Variants in NRXN3 observed in about 807,000 individuals in gnomAD.
The protein encoded by NRXN3 is neurexin III.
NRXN3 carries 32 observed loss-of-function variants against 137.6 expected under a neutral mutation model. The ratio of observed to expected loss-of-function variants is 0.23; its 90% CI spans 0.18 to 0.31. The LOEUF (loss-of-function observed/expected upper bound fraction) is 0.31, where lower values mean the gene tolerates loss of function less well. NRXN3 is among the 10% of genes least tolerant of loss of function. The pLI, the probability that NRXN3 is intolerant of heterozygous loss-of-function variation, is 1.00. For missense variants in NRXN3, 1,574 were observed against 2,062.5 expected, an observed-to-expected ratio of 0.76 and a Z score of 4.59; for synonymous variants, 798 against 784.5, an observed-to-expected ratio of 1.02 and a Z score of -0.29.
intron 19 of NRXN3, among the ~76,000 whole-genome samples, chr14:79,708,982 TGAGAGA>T (rs142447936): frequency 1.1e-4 from 16 of 150,164 alleles, no homozygotes; most frequent in East Asian, 2.0e-4. Flanking sequence ...TGTGTGTGTG[TGAGAGA>T]GAGAGAGAGA....
At chr14:79,188,835 A>G (rs1198074025) in intron 15 of NRXN3, among the ~76,000 whole-genome samples, 3 of 152,200 alleles carry the variant, frequency 2.0e-5, no homozygotes, top group Non-Finnish European at 4.4e-5. Context: ...AACCACAATG[A>G]GATACCATCT....
At chr14:78,950,581 T>C (rs2099385102) in intron 10 of NRXN3, among the ~76,000 whole-genome samples, 1 of 134,500 alleles carries the variant, frequency 7.4e-6, no homozygotes. Flanking sequence ...ACAGAAACCA[T>C]GCAGGAAAGA....
intron 2 of NRXN3, among the ~76,000 whole-genome samples, chr14:78,263,500 C>A (rs548200093): frequency 6.6e-6 from 1 of 152,266 alleles, no homozygotes; most frequent in African/African-American, 2.4e-5. Context: ...GAGTATTTTT[C>A]AGAAGCAAAC....
intron 2 of NRXN3, among the ~76,000 whole-genome samples, chr14:78,277,418 C>T (rs2073760349): frequency 6.6e-6 from 1 of 152,182 alleles, no homozygotes; most frequent in African/African-American, 2.4e-5. Flanking sequence ...GGGACCTAGG[C>T]TTCAGTTGAA....
intron 4 of NRXN3, among the ~76,000 whole-genome samples, chr14:78,567,825 G>A (rs901724592): frequency 1.3e-5 from 2 of 152,062 alleles, no homozygotes; most frequent in African/African-American, 4.8e-5. Flanking sequence ...CAGGAATATG[G>A]TGAGTGACAC....
At chr14:78,965,960 A>G in intron 11 of NRXN3, 65 bp from the exon 12 acceptor site, 1 of 1,538,586 alleles carries the variant, frequency 6.5e-7, no homozygotes, top group Non-Finnish European at 8.8e-7. Context: ...CAAAAAATAT[A>G]CTTGAGGGTG....
intron 15 of NRXN3, among the ~76,000 whole-genome samples, chr14:79,217,956 A>AT (rs1356047152): frequency 6.6e-6 from 1 of 152,220 alleles, no homozygotes; most frequent in Non-Finnish European, 1.5e-5. Flanking sequence ...TTGCCTCTTC[A>AT]TTCTTCAACA....
intron 16 of NRXN3, among the ~76,000 whole-genome samples, chr14:79,488,435 G>T (rs2096678530): frequency 6.6e-6 from 1 of 152,112 alleles, no homozygotes; most frequent in African/African-American, 2.4e-5. Flanking sequence ...TGTGTGTTCT[G>T]ACGATAAAGG....
chr14:78,332,375 G>A (rs1284609933), intron 4 of NRXN3, among the ~76,000 whole-genome samples: 1 of 148,412 alleles, frequency 6.7e-6, no homozygotes, highest in Non-Finnish European at 1.5e-5. Context: ...GAGTGCAGTG[G>A]CATGATCTCA....
chr14:78,594,217 G>A (rs891287072), intron 4 of NRXN3, among the ~76,000 whole-genome samples: 1 of 152,212 alleles, frequency 6.6e-6, no homozygotes, highest in Non-Finnish European at 1.5e-5. Flanking sequence ...CAGCATCGAG[G>A]GCGTGCCTCC....
chr14:79,860,739 T>C (rs2293847), intron 20 of NRXN3, among the ~76,000 whole-genome samples: 57,026 of 152,134 alleles, frequency 0.37, 11,622 homozygotes, highest in Admixed American at 0.49. Flanking sequence ...AACAGTATCA[T>C]TGACTGAATG....
chr14:79,483,113 A>G (rs994314060), intron 16 of NRXN3, among the ~76,000 whole-genome samples: 1 of 152,192 alleles, frequency 6.6e-6, no homozygotes, highest in Non-Finnish European at 1.5e-5. Context: ...TTGTTTCTCT[A>G]AATCTCAATC....
At chr14:78,708,655 A>G (rs995496070) in intron 6 of NRXN3, 2 of 152,978 alleles carry the variant, frequency 1.3e-5, no homozygotes, top group African/African-American at 2.4e-5. Context: ...GCATATATAC[A>G]TATAATGCCC....
chr14:78,475,957 A>G (rs1382942056), intron 4 of NRXN3, among the ~76,000 whole-genome samples: 1 of 152,276 alleles, frequency 6.6e-6, no homozygotes, highest in Non-Finnish European at 1.5e-5. Flanking sequence ...GATATAGATA[A>G]TGGATAAGCA....
intron 4 of NRXN3, among the ~76,000 whole-genome samples, chr14:78,305,812 G>A (rs765864777): frequency 5.8e-4 from 88 of 152,058 alleles, no homozygotes; most frequent in Non-Finnish European, 9.9e-4. Context: ...CCACTGATTT[G>A]TCCTCTTGAC....
In NRXN3 at chr14:78,220,370, A is replaced by G. The variant is rs780515387; in HGVS notation, c.-703-22021A>G. ...GAGAGGGAGGAGGGGAGGCACCCGA[A>G]CATGCCAGGAAGGGGGCCCGAAAGC... On this transcript the variant is annotated intron_variant, in intron 1 of 20. Transcript: ENST00000335750. Among the ~76,000 whole-genome samples the G allele has an allele frequency of 2.8e-4, 43 of 152,068 alleles. 1 individual carries two copies. The highest frequency in any genetic ancestry group is 5.9e-4 in the Non-Finnish European group (40 of 68,016).
chr14:78,394,734 T>G (rs2091238459), intron 4 of NRXN3, among the ~76,000 whole-genome samples: 1 of 151,920 alleles, frequency 6.6e-6, no homozygotes, highest in African/African-American at 2.4e-5. Flanking sequence ...ATAGATTTAA[T>G]TTCCTTAATA....
intron 16 of NRXN3, among the ~76,000 whole-genome samples, chr14:79,513,089 C>T (rs1351261794): frequency 1.3e-5 from 2 of 152,160 alleles, no homozygotes; most frequent in Non-Finnish European, 2.9e-5. Context: ...TGCTGGGTAA[C>T]CTGGGGTATA....
intron 10 of NRXN3, among the ~76,000 whole-genome samples, chr14:78,844,322 A>G (rs1273493425): frequency 6.6e-6 from 1 of 152,152 alleles, no homozygotes; most frequent in Non-Finnish European, 1.5e-5. Context: ...CTTTTGTCAT[A>G]TAAGGTAATA....
Sources: allele counts gnomAD v4.1 joint callset (sites outside exome capture counted in the v4.1 genomes callset), GRCh38; gene constraint gnomAD v4.1.1; transcripts MANE v1.5; gene names NCBI Gene and HGNC (gene_info 2026-07-23, HGNC 2026-07-21).